The following SLC43A2 variants were observed in gnomAD, a reference collection of about 807,000 sequenced individuals.
SLC43A2 encodes large neutral amino acids transporter small subunit 4.
SLC43A2 carries 38 observed loss-of-function variants against 63.2 expected under a neutral mutation model. The observed-to-expected ratio is 0.60, with a 90% CI of 0.46 to 0.79. SLC43A2 has a LOEUF of 0.79. Ranked by LOEUF, SLC43A2 falls within the 30% of genes least tolerant of loss-of-function variation. SLC43A2 has a pLI of 0.00. For synonymous variants in SLC43A2, 322 were observed against 331.0 expected, an observed-to-expected ratio of 0.97 and a Z score of 0.30; for missense variants, 644 against 756.2, an observed-to-expected ratio of 0.85 and a Z score of 1.74.
intron 2 of SLC43A2, among the ~76,000 whole-genome samples, chr17:1,621,620 G>A (rs750865487): frequency 1.3e-5 from 2 of 152,244 alleles, no homozygotes; most frequent in East Asian, 1.9e-4. Context: ...AGCGGCTGCC[G>A]TGTGTGCAAT....
chr17:1,600,152 A>ATTTTT (rs1555541181), intron 5 of SLC43A2, among the ~76,000 whole-genome samples: 5 of 60,280 alleles, frequency 8.3e-5, no homozygotes, highest in African/African-American at 1.1e-4. Context: ...ATATATATAT[A>ATTTTT]TTTTTTTTTT....
At position 1,590,806 on chromosome 17, in the gene SLC43A2, C is replaced by T; in HGVS notation, c.1074G>A (p.Lys358=). ...ILKFLVSGDQ[K]TVGLYTSIFG... is the part of the protein sequence containing the mutation. ...GAGGCTGCCCGGGGCACCTACCTGT[C>T]TTCTGGTCGCCGCTGACCAGGAACT... Residue 358 remains lysine, a synonymous_variant, in exon 9 of 14, where the codon AAG becomes AAA. Transcript: ENST00000301335. The T allele has an allele frequency of 3.2e-6, 5 of 1,554,502 alleles. No individual in the cohort carries two copies. The highest frequency in any genetic ancestry group is 3.7e-4 in the Middle Eastern group (2 of 5,432).
At chr17:1,599,301 C>T (rs1219833869) in intron 5 of SLC43A2, among the ~76,000 whole-genome samples, 3 of 151,924 alleles carry the variant, frequency 2.0e-5, no homozygotes, top group Non-Finnish European at 4.4e-5. Context: ...GATCATGCCA[C>T]TGCACTCCAG....
intron 12 of SLC43A2, among the ~76,000 whole-genome samples, chr17:1,576,931 C>A (rs1420706237): frequency 6.7e-6 from 1 of 149,856 alleles, no homozygotes; most frequent in African/African-American, 2.5e-5. Context: ...ATGACACGAT[C>A]TCGGCTCACT....
At chr17:1,591,538 C>A in intron 7 of SLC43A2, 28 bp downstream of exon 7, 2 of 1,576,422 alleles carry the variant, frequency 1.3e-6, no homozygotes, top group Non-Finnish European at 1.7e-6. Flanking sequence ...GGGCTGGGGG[C>A]AGGCGGGACG....
chr17:1,571,691 A>C lies in SLC43A2; in HGVS notation c.*3913T>G, dbSNP rs1008221220. The C allele has an allele frequency of 6.6e-6, 1 of 152,378 alleles. No homozygotes were observed. The highest frequency in any genetic ancestry group is 2.4e-5 in the African/African-American group (1 of 41,460). The allele number at this position is 152,378 out of a possible 1,614,324, so 9.4% of individuals were successfully genotyped here. A position where few individuals can be genotyped will look rare whatever the true frequency, so the allele number is the denominator to read the frequency against. On this transcript the variant is annotated 3_prime_UTR_variant, in exon 14 of 14. Transcript: ENST00000301335. This position sits in a 1 kb window ranked among gnomAD's most constrained non-coding sequence, Gnocchi z 5.2. ...TTCTGACCAGGACGATGCTGGGTGC[A>C]AGAGGGGACGGGGATGGAGCAAAAC... is the stretch of plus-strand genomic sequence containing the variant.
chr17:1,617,204 C>T lies in SLC43A2; in HGVS notation c.161-435G>A, dbSNP rs564227311. ...AGAACCTTCTCACGGCAGCTATGTCCGTGGGGACAGACTGCAGCCAGTATG... is the reference window on the plus strand; with the variant it reads ...AGAACCTTCTCACGGCAGCTATGTCTGTGGGGACAGACTGCAGCCAGTATG... On this transcript the variant is annotated intron_variant, in intron 2 of 13. Coordinates refer to ENST00000301335, the MANE Select transcript of SLC43A2 (RefSeq NM_152346.3). Among the ~76,000 whole-genome samples, 115 of 152,168 alleles carry T rather than the reference C, an allele frequency of 7.6e-4. No homozygotes were observed. In the Middle Eastern group the frequency reaches 0.014, roughly 18 times the overall value.
Position 1,569,541 on chromosome 17 carries a change from TAC to T in SLC43A2, c.*6061_*6062del, listed in dbSNP as rs1216226141. ...TTCAGAGAGCGGCACACAAGAAATCTACACAGTCTTCCCAACATGTACACACC... is the reference window on the plus strand; with the variant it reads ...TTCAGAGAGCGGCACACAAGAAATCTACAGTCTTCCCAACATGTACACACC... On this transcript the variant is annotated 3_prime_UTR_variant, in exon 14 of 14. Transcript: ENST00000301335. 15 of 152,370 alleles carry T rather than the reference TAC, an allele frequency of 9.8e-5. 1 individual carries two copies. In the East Asian group the frequency reaches 1.9e-3, roughly 20 times the overall value. 9.4% of individuals were successfully genotyped at this position (152,370 alleles called of 1,614,324 possible). A position where few individuals can be genotyped will look rare whatever the true frequency, so the allele number is the denominator to read the frequency against.
chr17:1,581,866 C>G (rs940491668), intron 11 of SLC43A2, among the ~76,000 whole-genome samples: 5 of 150,126 alleles, frequency 3.3e-5, no homozygotes, highest in South Asian at 2.1e-4. Context: ...AGTGCAGTGG[C>G]GCAATCTCGG....
chr17:1,627,665 C>T, intron 2 of SLC43A2, 50 bp downstream of exon 2: 1 of 1,068,860 alleles, frequency 9.4e-7, no homozygotes, highest in Non-Finnish European at 1.3e-6. Context: ...CCGCCCCCTC[C>T]CAAAGCCCCA....
intron 2 of SLC43A2, among the ~76,000 whole-genome samples, chr17:1,618,639 T>A (rs1907895017): frequency 6.6e-6 from 1 of 152,180 alleles, no homozygotes; most frequent in African/African-American, 2.4e-5. Context: ...CACTTCTGTG[T>A]CCCCAGTATC....
intron 5 of SLC43A2, among the ~76,000 whole-genome samples, chr17:1,608,637 A>G (rs1236097644): frequency 6.6e-6 from 1 of 152,018 alleles, no homozygotes; most frequent in African/African-American, 2.4e-5. Flanking sequence ...CAGGTGATCC[A>G]CCCACCTTGG....
At chr17:1,584,114 C>T (rs905467474) in intron 10 of SLC43A2, among the ~76,000 whole-genome samples, 4 of 152,028 alleles carry the variant, frequency 2.6e-5, no homozygotes, top group African/African-American at 7.2e-5. Context: ...AGGATGGTCT[C>T]GATCTTCTGA....
intron 1 of SLC43A2, chr17:1,628,154 G>A (rs1390471662): frequency 3.2e-6 from 1 of 313,032 alleles, no homozygotes; most frequent in African/African-American, 2.2e-5. Context: ...GGCCAGGCAG[G>A]GAGACGTCTC....
At chr17:1,617,658 T>C (rs1038984001) in intron 2 of SLC43A2, among the ~76,000 whole-genome samples, 2 of 152,236 alleles carry the variant, frequency 1.3e-5, no homozygotes, top group African/African-American at 4.8e-5. Context: ...CCCAAAGTGC[T>C]GGGATCACAG....
chr17:1,608,793 G>A (rs73282988), intron 5 of SLC43A2, among the ~76,000 whole-genome samples: 2 of 152,074 alleles, frequency 1.3e-5, no homozygotes, highest in African/African-American at 4.8e-5. Flanking sequence ...ACCTACACAC[G>A]CTTTGTTGGC....
chr17:1,616,851 A>T (rs1245878585), intron 2 of SLC43A2, 82 bp from the exon 3 acceptor site: 46 of 1,500,116 alleles, frequency 3.1e-5, no homozygotes, highest in Non-Finnish European at 3.0e-5. Context: ...GCCCATTCAG[A>T]GTCCCCCCAC....
Position 1,593,300 on chromosome 17 carries a change from A to AGG in SLC43A2, c.502-22_502-21insCC. The AGG allele has an allele frequency of 6.2e-7, 1 of 1,609,296 alleles. No individual in the cohort carries two copies. The highest frequency in any genetic ancestry group is 1.7e-5 in the Admixed American group (1 of 59,532). ...GGCAGCTGAGAGATAAGAAGCAGAG[A>AGG]AACCTCAGTGGGGAGGATGCACCAG... On this transcript the variant is annotated intron_variant, in intron 5 of 13. Transcript: ENST00000301335. This position sits in a 1 kb window ranked among gnomAD's most constrained non-coding sequence, Gnocchi z 5.3.
In SLC43A2 at chr17:1,577,156, G is replaced by C. The variant is rs770831798; in HGVS notation, c.1425-436C>G. On this transcript the variant is annotated intron_variant, in intron 12 of 13. Coordinates refer to ENST00000301335, the MANE Select transcript of SLC43A2 (RefSeq NM_152346.3). This position sits in a 1 kb window ranked among gnomAD's most constrained non-coding sequence, Gnocchi z 4.9. ...TGGGATTACAGGCGTGAGCCACCGCGCCCGGCCCTGCTGGGTGGTTCTGCA... is the reference window on the plus strand; with the variant it reads ...TGGGATTACAGGCGTGAGCCACCGCCCCCGGCCCTGCTGGGTGGTTCTGCA... Among the ~76,000 whole-genome samples the C allele has an allele frequency of 6.6e-6, 1 of 152,152 alleles. No homozygotes were observed. Among genetic ancestry groups the C allele is most frequent in the Non-Finnish European group, 1.5e-5 (1 of 68,032 alleles).
Sources: allele counts gnomAD v4.1 joint callset (sites outside exome capture counted in the v4.1 genomes callset), GRCh38; gene constraint gnomAD v4.1.1; non-coding constraint Gnocchi (gnomAD v3.1); transcripts MANE v1.5; gene names NCBI Gene and HGNC (gene_info 2026-07-23, HGNC 2026-07-21).